CLCA4: variants seen among roughly 807,000 people sequenced by gnomAD.
CLCA4 encodes the protein calcium-activated chloride channel regulator 4.
CLCA4 carries 69 observed loss-of-function variants against 78.9 expected under a neutral mutation model. That is an observed-to-expected ratio of 0.87 (90% CI 0.72 to 1.07). The LOEUF is 1.07. CLCA4 is among the 50% of genes least tolerant of loss of function. The pLI, the probability that CLCA4 is intolerant of heterozygous loss-of-function variation, is 0.00. For synonymous variants in CLCA4, 362 were observed against 375.8 expected (o/e 0.96, Z 0.42); for missense variants, 1,133 against 1,095.8 (o/e 1.03, Z -0.48).
At position 86,580,281 on chromosome 1, in the gene CLCA4, C is replaced by T. The variant is rs200043174; in HGVS notation, c.2696C>T (p.Thr899Met). 4.1e-5 allele frequency: 66 copies of T among 1,611,746 alleles called. No homozygotes were observed. The African/African-American group carries it at 4.3e-4, about 10-fold the overall frequency. ...KSHNSGVNIS[T>M]LVLSVIGSVV... ...CATAATTCTGGAGTTAATATTTCTA[C>T]GCTGGTATTGTCTGTGATTGGGTCT... The change falls in exon 14 of 14, where the codon ACG becomes ATG. Residue 899 changes from threonine (T) to methionine (M), a missense_variant. By Grantham distance (81) the Thr-to-Met change is moderately conservative (BLOSUM62 -1). Transcript: ENST00000370563.
intron 12 of CLCA4, 136 bp from the exon 13 acceptor site, chr1:86,579,218 A>G (rs751610719): frequency 1.5e-6 from 1 of 678,234 alleles, no homozygotes; most frequent in Non-Finnish European, 2.5e-6. Flanking sequence ...GGCGCTTATG[A>G]TTGTCACAAA....
At chr1:86,571,335 G>A in intron 8 of CLCA4, 81 bp downstream of exon 8, 1 of 1,398,722 alleles carries the variant, frequency 7.1e-7, no homozygotes, top group Admixed American at 2.0e-5. Context: ...CGTCTCTTGA[G>A]TTTCTGCCTT....
chr1:86,561,143 T>A (rs1023731886), intron 3 of CLCA4, among the ~76,000 whole-genome samples: 1 of 152,176 alleles, frequency 6.6e-6, no homozygotes, highest in African/African-American at 2.4e-5. Context: ...CCTGGACCAG[T>A]TCCCCTCTCC....
chr1:86,563,322 C>T (rs1464478304), intron 3 of CLCA4, among the ~76,000 whole-genome samples: 1 of 151,190 alleles, frequency 6.6e-6, no homozygotes, highest in Non-Finnish European at 1.5e-5. Flanking sequence ...TTAACATCCC[C>T]ATGGTTATAA....
chr1:86,579,838 T>G, intron 13 of CLCA4, 104 bp from the exon 14 acceptor site: 1 of 841,412 alleles, frequency 1.2e-6, no homozygotes, highest in Non-Finnish European at 1.8e-6. Context: ...AGTAAGGCTT[T>G]TGATCTATCT....
intron 9 of CLCA4, among the ~76,000 whole-genome samples, chr1:86,573,242 T>C (rs1457315728): frequency 6.6e-6 from 1 of 151,876 alleles, no homozygotes; most frequent in Non-Finnish European, 1.5e-5. Flanking sequence ...CAACCACTTT[T>C]TTCGGTGGCT....
At chr1:86,561,486 C>T (rs1326647012) in intron 3 of CLCA4, among the ~76,000 whole-genome samples, 3 of 152,200 alleles carry the variant, frequency 2.0e-5, no homozygotes, top group Non-Finnish European at 4.4e-5. Context: ...TTTCCAAGCT[C>T]AGTGAAGCAC....
At chr1:86,568,362 A>C (rs1650259671) in intron 7 of CLCA4, among the ~76,000 whole-genome samples, 1 of 148,712 alleles carries the variant, frequency 6.7e-6, no homozygotes, top group Non-Finnish European at 1.5e-5. Context: ...TTCATATACT[A>C]TATATACTAA....
intron 1 of CLCA4, among the ~76,000 whole-genome samples, chr1:86,552,261 T>TAA (rs201939912): frequency 1.3e-5 from 2 of 152,226 alleles, no homozygotes; most frequent in African/African-American, 4.8e-5. Context: ...AACTGAATTG[T>TAA]AAAAAAATCA....
intron 11 of CLCA4, among the ~76,000 whole-genome samples, chr1:86,575,892 A>C (rs541142727): frequency 6.6e-6 from 1 of 152,160 alleles, no homozygotes; most frequent in East Asian, 1.9e-4. Flanking sequence ...GGAGTTCAAG[A>C]CCAGCCTGGC....
At chr1:86,553,042 C>A in intron 1 of CLCA4, 1 of 643,244 alleles carries the variant, frequency 1.6e-6, no homozygotes, top group South Asian at 1.8e-5. Flanking sequence ...CCACGCCGCG[C>A]GGCACAGAAT....
chr1:86,572,597 A>G lies in CLCA4; in HGVS notation c.1361-17A>G. 1 of 1,376,824 alleles carries G rather than the reference A, an allele frequency of 7.3e-7. No individual in the cohort carries two copies. Among genetic ancestry groups the G allele is most frequent in the Non-Finnish European group, 1.0e-6 (1 of 965,476 alleles). The allele number at this position is 1,376,824 out of a possible 1,614,324, so 85.3% of individuals were successfully genotyped here. A position where few individuals can be genotyped will look rare whatever the true frequency, so the allele number is the denominator to read the frequency against. ...TATTTTCTAGAAAGCAGTCTAATTA[A>G]TGCATTTACATTTTAGGAGGAAGTC... On this transcript the variant is annotated splice_polypyrimidine_tract_variant and intron_variant, in intron 8 of 13. Transcript: ENST00000370563.
intron 11 of CLCA4, 48 bp from the exon 12 acceptor site, chr1:86,577,854 T>C (rs371003239): frequency 3.6e-5 from 56 of 1,554,522 alleles, no homozygotes; most frequent in Non-Finnish European, 4.7e-5. Context: ...TCTTAGAAAA[T>C]GCAAAATTTC....
At chr1:86,571,535 T>C (rs1472419472) in intron 8 of CLCA4, 2 of 238,542 alleles carry the variant, frequency 8.4e-6, no homozygotes, top group African/African-American at 4.4e-5. Flanking sequence ...TAGAGTTGTA[T>C]AGAGCCAGGG....
At chr1:86,559,683 T>G (rs1248805972) in intron 1 of CLCA4, among the ~76,000 whole-genome samples, 1 of 152,240 alleles carries the variant, frequency 6.6e-6, no homozygotes, top group Non-Finnish European at 1.5e-5. Context: ...CAATTCCTCT[T>G]AATGCCAAAT....
Position 86,567,435 on chromosome 1 carries a change from C to T in CLCA4, c.966C>T (p.Arg322=). The T allele has an allele frequency of 6.2e-7, 1 of 1,611,774 alleles. No homozygotes were observed. The highest frequency in any genetic ancestry group is 8.5e-7 in the Non-Finnish European group (1 of 1,178,592). The stretch of plus-strand genomic sequence containing the variant: ...TCTTTTTAATCTAGGGTAAGGACCG[C>T]CTAAATCGAATGAATCAAGCAGCAA... ...DKSGSMGGKD[R]LNRMNQAAKH... is the part of the protein sequence containing the mutation. The change falls in exon 7 of 14, where the codon CGC becomes CGT. Residue 322 remains arginine, a synonymous_variant. Transcript: ENST00000370563.
chr1:86,555,864 T>A (rs72953602), intron 1 of CLCA4, among the ~76,000 whole-genome samples: 12,858 of 152,296 alleles, frequency 0.084, 675 homozygotes, highest in Middle Eastern at 0.16. Flanking sequence ...GTGTCTTCTC[T>A]GACACAATTT....
rs780779596 is a variant in CLCA4, at chr1:86,565,926, C to T, written c.860C>T (p.Pro287Leu). Residue 287 changes from proline to leucine, a missense_variant, in exon 6 of 14, where the codon CCC becomes CTC. Coordinates refer to ENST00000370563, the MANE Select transcript of CLCA4 (RefSeq NM_012128.4). ...TCTGAGGATTTTAAAAACACCATAC[C>T]CATGGTGACACCACCTCCTCCACCT... is the stretch of plus-strand genomic sequence containing the variant. The part of the protein sequence containing the change: ...SNSEDFKNTI[P>L]MVTPPPPPVF... 3 of 1,612,662 alleles carry T rather than the reference C, an allele frequency of 1.9e-6. No homozygotes were observed. The highest frequency in any genetic ancestry group is 1.3e-5 in the African/African-American group (1 of 74,812).
intron 1 of CLCA4, among the ~76,000 whole-genome samples, chr1:86,553,510 G>C (rs568249433): frequency 3.0e-4 from 46 of 152,192 alleles, no homozygotes; most frequent in Non-Finnish European, 5.6e-4. Context: ...CCTCTGCTCA[G>C]CCGACGCCAC....
Sources: gnomAD v4.1 joint callset for allele counts (sites outside exome capture counted in the v4.1 genomes callset) on GRCh38, gnomAD v4.1.1 for gene constraint, MANE v1.5 for transcripts, NCBI Gene and HGNC (gene_info 2026-07-23, HGNC 2026-07-21) for gene names.